NFX1: variants seen among roughly 807,000 people sequenced by gnomAD.
NFX1 encodes transcriptional repressor NF-X1.
Under a neutral mutation model 137.2 loss-of-function variants are expected in NFX1, and 69 were observed. That is an observed-to-expected ratio of 0.50 (90% CI 0.41 to 0.61). NFX1 has a LOEUF of 0.61. Ranked by LOEUF, NFX1 falls within the 20% of genes least tolerant of loss-of-function variation. The pLI is 0.00. For missense variants in NFX1, 1,167 were observed against 1,391.0 expected (o/e 0.84, Z 2.56); for synonymous variants, 495 against 474.1 (o/e 1.04, Z -0.57).
intron 19 of NFX1, among the ~76,000 whole-genome samples, chr9:33,359,353 C>T (rs1274335901): frequency 6.6e-6 from 1 of 152,060 alleles, no homozygotes; most frequent in Non-Finnish European, 1.5e-5. Context: ...AATCCCAGCA[C>T]TTTGGGAGAC....
chr9:33,317,301 C>T (rs923505671), intron 7 of NFX1, among the ~76,000 whole-genome samples: 32 of 151,512 alleles, frequency 2.1e-4, no homozygotes, highest in Admixed American at 1.2e-3. Flanking sequence ...CACCTGTACT[C>T]CCAGCTACTT....
At chr9:33,322,695 C>T (rs1822431968) in intron 9 of NFX1, among the ~76,000 whole-genome samples, 1 of 152,178 alleles carries the variant, frequency 6.6e-6, no homozygotes, top group Admixed American at 6.5e-5. Context: ...TCCCACCCAG[C>T]ACCCAGAGTA....
intron 6 of NFX1, among the ~76,000 whole-genome samples, chr9:33,313,427 T>TAAAAAA: frequency 7.1e-6 from 1 of 141,318 alleles, no homozygotes; most frequent in East Asian, 2.0e-4. Context: ...TGTCTCTATT[T>TAAAAAA]AAAAAAAAAA....
rs144522602 is a variant in NFX1, at chr9:33,318,780, A to G, written c.1638A>G (p.Val546=). ...GAGATGTGTTATGTGGAACCGATGT[A>G]GGAAAGTCTGATGGATTTGGGGATT... ...TSRDVLCGTD[V]GKSDGFGDFS... Residue 546 remains valine, a synonymous_variant, in exon 8 of 24, where the codon GTA becomes GTG. Transcript: ENST00000379540. 4,047 of 1,614,226 alleles carry G rather than the reference A, an allele frequency of 2.5e-3. 4 individuals carry two copies. The highest frequency in any genetic ancestry group is 3.2e-3 in the Non-Finnish European group (3,787 of 1,180,032).
At chr9:33,323,649 C>T (rs1448705326) in intron 9 of NFX1, among the ~76,000 whole-genome samples, 4 of 151,442 alleles carry the variant, frequency 2.6e-5, no homozygotes, top group East Asian at 3.9e-4. Context: ...GCTGCTCCGG[C>T]GGCTGAGGCA....
chr9:33,298,882 AT>A (rs1461643525), intron 2 of NFX1, among the ~76,000 whole-genome samples: 29 of 152,352 alleles, frequency 1.9e-4, no homozygotes, highest in African/African-American at 7.0e-4. Flanking sequence ...GTAGGAGATG[AT>A]GGAGACTTAG....
At chr9:33,293,745 C>T (rs1352543645) in intron 1 of NFX1, among the ~76,000 whole-genome samples, 1 of 152,144 alleles carries the variant, frequency 6.6e-6, no homozygotes, top group Admixed American at 6.6e-5. Flanking sequence ...GGGGAGTATG[C>T]TTAATTTTTT....
At chr9:33,297,602 G>C (rs531466619) in intron 2 of NFX1, among the ~76,000 whole-genome samples, 1 of 152,256 alleles carries the variant, frequency 6.6e-6, no homozygotes, top group South Asian at 2.1e-4. Flanking sequence ...TGAGGCTCAG[G>C]GTTCTCTTTC....
chr9:33,343,970 A>T, intron 13 of NFX1, 99 bp from the exon 14 acceptor site: 1 of 1,534,576 alleles, frequency 6.5e-7, no homozygotes, highest in Non-Finnish European at 8.9e-7. Context: ...TTCTCCTCTA[A>T]AAATACAAGC....
Position 33,347,121 on chromosome 9 carries a change from A to G in NFX1, c.2424+4A>G. 6.2e-7 allele frequency: 1 copy of G among 1,609,480 alleles called. No individual in the cohort carries two copies. Among genetic ancestry groups the G allele is most frequent in the Non-Finnish European group, 8.5e-7 (1 of 1,176,208 alleles). ...GTGGTGCATGGGCAAGCATGAGGTA[A>G]GTTTTCTCTCTCAAGTGCTCATTGT... On this transcript the variant is annotated splice_donor_region_variant and intron_variant, in intron 15 of 23. Coordinates refer to ENST00000379540, the MANE Select transcript of NFX1 (RefSeq NM_002504.6).
At chr9:33,322,233 C>T (rs1822414314) in intron 9 of NFX1, among the ~76,000 whole-genome samples, 1 of 151,668 alleles carries the variant, frequency 6.6e-6, no homozygotes, top group South Asian at 2.1e-4. Context: ...TAGAAATTGC[C>T]CTAAGAGCAT....
At chr9:33,310,262 T>C (rs1283751934) in intron 5 of NFX1, among the ~76,000 whole-genome samples, 2 of 152,216 alleles carry the variant, frequency 1.3e-5, no homozygotes. Context: ...TGGCTCTGAT[T>C]GGCTTTTGAT....
At chr9:33,328,007 C>A (rs1822659534) in intron 9 of NFX1, among the ~76,000 whole-genome samples, 1 of 152,126 alleles carries the variant, frequency 6.6e-6, no homozygotes, top group Admixed American at 6.5e-5. Flanking sequence ...AAGATTTATT[C>A]TGTGTTTTTG....
Position 33,369,910 on chromosome 9 carries a change from C to T in NFX1, c.3295C>T (p.Pro1099Ser), listed in dbSNP as rs748243837. Residue 1099 changes from proline (P) to serine (S), a missense_variant, in exon 24 of 24, where the codon CCT becomes TCT. Transcript: ENST00000379540. ...PHHRHQSDKN[P>S]GSSNLQKITK... ...CATTCTTTGTTTGTTTTTCAGGAAT[C>T]CTGGGAGCAGTAATTTACAGAAAAT... is the stretch of plus-strand genomic sequence containing the variant. 3.1e-6 allele frequency: 5 copies of T among 1,612,674 alleles called. No homozygotes were observed. The South Asian group carries it at 4.4e-5, about 14-fold the overall frequency.
At chr9:33,358,647 A>AT (rs61589629) in intron 19 of NFX1, among the ~76,000 whole-genome samples, 1,792 of 48,478 alleles carry the variant, frequency 0.037, 463 homozygotes, top group African/African-American at 0.071. Context: ...GAATGGCTTG[A>AT]TTTTTTTTTT....
chr9:33,310,159 A>C (rs1854458403), intron 5 of NFX1, among the ~76,000 whole-genome samples: 1 of 152,212 alleles, frequency 6.6e-6, no homozygotes, highest in African/African-American at 2.4e-5. Context: ...CTTGTTTAGG[A>C]GTTTCATAGA....
In NFX1 at chr9:33,370,234, A is replaced by G. The variant is rs1824287577; in HGVS notation, c.*256A>G. ...TCACGCATTCAAAGAGGCTCTTTAC[A>G]CCATCACTGTGATTGCTCTGAGAGT... On this transcript the variant is annotated 3_prime_UTR_variant, in exon 24 of 24. Transcript: ENST00000379540. The G allele has an allele frequency of 2.9e-6, 1 of 347,076 alleles. No homozygotes were observed. Among genetic ancestry groups the G allele is most frequent in the Admixed American group, 4.8e-5 (1 of 20,900 alleles). 21.5% of individuals were successfully genotyped at this position (347,076 alleles called of 1,614,324 possible).
chr9:33,368,365 C>T (rs1260545551), intron 23 of NFX1, among the ~76,000 whole-genome samples: 1 of 152,150 alleles, frequency 6.6e-6, no homozygotes, highest in Non-Finnish European at 1.5e-5. Flanking sequence ...ATTTTTATAA[C>T]AAACATATTC....
intron 1 of NFX1, among the ~76,000 whole-genome samples, chr9:33,291,005 G>T (rs1821140079): frequency 6.6e-6 from 1 of 152,202 alleles, no homozygotes; most frequent in Non-Finnish European, 1.5e-5. Context: ...GGCGCGAGCC[G>T]AATTCCAGTA....
Sources: gnomAD v4.1 joint callset for allele counts (sites outside exome capture counted in the v4.1 genomes callset) on GRCh38, gnomAD v4.1.1 for gene constraint, MANE v1.5 for transcripts, NCBI Gene and HGNC (gene_info 2026-07-23, HGNC 2026-07-21) for gene names.